The following ROR1 variants were observed in gnomAD, a reference collection of about 807,000 sequenced individuals.
The protein encoded by ROR1 is ROR family WNT receptor 1, also known as inactive tyrosine-protein kinase transmembrane receptor ROR1.
Under a neutral mutation model 78.8 loss-of-function variants are expected in ROR1, and 19 were observed. The ratio of observed to expected loss-of-function variants is 0.24; its 90% CI spans 0.17 to 0.35. The LOEUF (loss-of-function observed/expected upper bound fraction) is 0.35. Among genes scored for constraint, ROR1 ranks in the 10% least tolerant of loss-of-function variants. The probability of loss-of-function intolerance (pLI) is 1.00; values close to 1 mark genes in which losing one functional copy is unlikely to be tolerated. For missense variants in ROR1, 917 were observed against 1,177.8 expected (o/e 0.78, Z 3.24); for synonymous variants, 386 against 433.6 (o/e 0.89, Z 1.36).
intron 8 of ROR1, among the ~76,000 whole-genome samples, chr1:64,171,485 A>G (rs1557683387): frequency 6.6e-6 from 1 of 152,218 alleles, no homozygotes; most frequent in African/African-American, 2.4e-5. Flanking sequence ...ATCATGAGGC[A>G]AGCACAAATG....
intron 2 of ROR1, among the ~76,000 whole-genome samples, chr1:64,019,994 G>A (rs970582701): frequency 3.9e-5 from 6 of 152,100 alleles, no homozygotes; most frequent in African/African-American, 1.4e-4. Context: ...CACAGAGGAG[G>A]AAGCAATGTG....
At chr1:64,129,077 G>T (rs907465580) in intron 4 of ROR1, among the ~76,000 whole-genome samples, 1 of 152,274 alleles carries the variant, frequency 6.6e-6, no homozygotes, top group Admixed American at 6.5e-5. Context: ...GGAGTTGAGG[G>T]TACAGAGAGG....
At chr1:64,141,570 G>A (rs748881049) in intron 6 of ROR1, among the ~76,000 whole-genome samples, 21 of 152,020 alleles carry the variant, frequency 1.4e-4, no homozygotes, top group Non-Finnish European at 2.5e-4. Flanking sequence ...ATATCATACC[G>A]CCATTTTAAA....
intron 1 of ROR1, among the ~76,000 whole-genome samples, chr1:63,969,211 C>T (rs767256939): frequency 2.0e-5 from 3 of 152,174 alleles, no homozygotes; most frequent in Non-Finnish European, 2.9e-5. Flanking sequence ...AGATGGAAGA[C>T]TTGCTGTCAT....
At chr1:63,903,728 CTA>C (rs571157183) in intron 1 of ROR1, among the ~76,000 whole-genome samples, 1 of 151,548 alleles carries the variant, frequency 6.6e-6, no homozygotes, top group Non-Finnish European at 1.5e-5. Context: ...ATAAACATAA[CTA>C]TATATATCTA....
chr1:63,834,115 T>C (rs1645005820), intron 1 of ROR1, among the ~76,000 whole-genome samples: 1 of 151,558 alleles, frequency 6.6e-6, no homozygotes, highest in Non-Finnish European at 1.5e-5. Flanking sequence ...AGCAGGCTGT[T>C]AAGCTCTTGT....
At chr1:63,876,268 G>A (rs1187428685) in intron 1 of ROR1, among the ~76,000 whole-genome samples, 1 of 152,166 alleles carries the variant, frequency 6.6e-6, no homozygotes, top group African/African-American at 2.4e-5. Flanking sequence ...CACATATAAA[G>A]AAAGCACTGG....
At chr1:64,142,818 G>T in intron 7 of ROR1, 168 bp downstream of exon 7, 7 of 1,431,318 alleles carry the variant, frequency 4.9e-6, no homozygotes, top group Non-Finnish European at 6.4e-6. Flanking sequence ...AAAACACCTC[G>T]TAAGGTACCA....
chr1:64,126,845 C>T (rs1648728195), intron 4 of ROR1, among the ~76,000 whole-genome samples: 1 of 152,110 alleles, frequency 6.6e-6, no homozygotes, highest in Non-Finnish European at 1.5e-5. Context: ...ATGGAGGGAC[C>T]TTGAATCCAG....
At chr1:63,907,323 G>C (rs545859170) in intron 1 of ROR1, among the ~76,000 whole-genome samples, 1 of 152,152 alleles carries the variant, frequency 6.6e-6, no homozygotes, top group African/African-American at 2.4e-5. Flanking sequence ...CTTAAGCCAG[G>C]CAAATTACTT....
intron 1 of ROR1, among the ~76,000 whole-genome samples, chr1:63,901,185 A>C (rs1012746514): frequency 1.3e-5 from 2 of 152,180 alleles, no homozygotes; most frequent in Admixed American, 6.5e-5. Flanking sequence ...GACATGGTGC[A>C]TGAGAACAGG....
chr1:64,143,600 C>T (rs1649391868), intron 7 of ROR1, among the ~76,000 whole-genome samples: 1 of 152,040 alleles, frequency 6.6e-6, no homozygotes, highest in Non-Finnish European at 1.5e-5. Flanking sequence ...GGTGTTTAAC[C>T]AGATGATTAT....
intron 2 of ROR1, among the ~76,000 whole-genome samples, chr1:64,025,146 G>T (rs1646597623): frequency 6.6e-6 from 1 of 152,114 alleles, no homozygotes; most frequent in Admixed American, 6.6e-5. Context: ...TTTTCAGTCT[G>T]AATCAAATTG....
At chr1:64,099,813 T>C (rs1281730104) in intron 4 of ROR1, among the ~76,000 whole-genome samples, 2 of 152,136 alleles carry the variant, frequency 1.3e-5, no homozygotes, top group Admixed American at 1.3e-4. Flanking sequence ...TCCCAGCACT[T>C]TGGGAGGCCG....
intron 1 of ROR1, among the ~76,000 whole-genome samples, chr1:63,809,624 T>C (rs1644848724): frequency 6.6e-6 from 1 of 152,226 alleles, no homozygotes; most frequent in Non-Finnish European, 1.5e-5. Context: ...CAATGTGGCA[T>C]CTAAGCAGAG....
rs114810297 is a variant in ROR1, at chr1:63,847,881, C to A, written c.91+73373C>A. Reference sequence around the variant, plus strand: ...GGTTAGATGGTGCATGGGGATGATTCTTCTGTGATGTGGAGAATGAAAGAT... The same window carrying A: ...GGTTAGATGGTGCATGGGGATGATTATTCTGTGATGTGGAGAATGAAAGAT... On this transcript the variant is annotated intron_variant, in intron 1 of 8. Transcript: ENST00000371079. Among the ~76,000 whole-genome samples, 1,231 of 152,202 alleles carry A rather than the reference C, an allele frequency of 8.1e-3. 13 individuals carry two copies. The highest frequency in any genetic ancestry group is 0.044 in the Middle Eastern group (13 of 294).
intron 2 of ROR1, among the ~76,000 whole-genome samples, chr1:64,010,496 G>A (rs1322522330): frequency 6.6e-6 from 1 of 151,910 alleles, no homozygotes; most frequent in African/African-American, 2.4e-5. Context: ...ACATATTTGT[G>A]TGCAAATACA....
chr1:63,974,704 C>A (rs892107487), intron 1 of ROR1, among the ~76,000 whole-genome samples: 1 of 152,054 alleles, frequency 6.6e-6, no homozygotes, highest in Non-Finnish European at 1.5e-5. Flanking sequence ...GTGGTATGAT[C>A]GTAGCCCACT....
In ROR1 at chr1:63,924,932, CTTT is replaced by C. The variant is rs751680204; in HGVS notation, c.92-84351_92-84349del. Among the ~76,000 whole-genome samples the C allele has an allele frequency of 3.5e-5, 3 of 85,034 alleles. No individual in the cohort carries two copies. In the East Asian group the frequency reaches 1.2e-3, roughly 33 times the overall value. The allele number at this position is 85,034 out of a possible 152,430, so 55.8% of individuals were successfully genotyped here. A position where few individuals can be genotyped will look rare whatever the true frequency, so the allele number is the denominator to read the frequency against. On this transcript the variant is annotated intron_variant, in intron 1 of 8. Coordinates refer to ENST00000371079, the MANE Select transcript of ROR1 (RefSeq NM_005012.4). ...GCGGATTGGACCAGCAAAGGGGATG[CTTT>C]TTTTTTTTTTTTTTTTTTTTTAAGA...
Sources: allele counts gnomAD v4.1 joint callset (sites outside exome capture counted in the v4.1 genomes callset), GRCh38; gene constraint gnomAD v4.1.1; transcripts MANE v1.5; gene names NCBI Gene and HGNC (gene_info 2026-07-23, HGNC 2026-07-21).